TNFSF4: variants seen among roughly 807,000 people sequenced by gnomAD.
The protein encoded by TNFSF4 is tumor necrosis factor ligand superfamily member 4.
A neutral mutation model predicts 7.3 loss-of-function variants in TNFSF4; 4 were observed. The observed-to-expected ratio is 0.55, with a 90% confidence interval of 0.27 to 1.25. The LOEUF (loss-of-function observed/expected upper bound fraction) is 1.25, where lower values mean the gene tolerates loss of function less well. Among genes scored for constraint, TNFSF4 ranks in the 50% most tolerant of loss-of-function variants. The pLI is 0.12. For missense variants in TNFSF4, 181 were observed against 208.8 expected (o/e 0.87, Z 0.82); for synonymous variants, 76 against 83.7 (o/e 0.91, Z 0.50).
chr1:173,227,108 T>A, the TNFSF4 span, among the ~76,000 whole-genome samples: 5 of 101,190 alleles, frequency 4.9e-5, no homozygotes, highest in African/African-American at 1.2e-4. Flanking sequence ...TAGTCTATTC[T>A]TTTGTTTTTT....
the TNFSF4 span, among the ~76,000 whole-genome samples, chr1:173,375,745 C>T: frequency 6.6e-6 from 1 of 152,018 alleles, no homozygotes; most frequent in African/African-American, 2.4e-5. Flanking sequence ...TGCGAGGGGA[C>T]AAATAAGGGA....
the TNFSF4 span, among the ~76,000 whole-genome samples, chr1:173,404,601 G>A: frequency 2.0e-5 from 3 of 150,368 alleles, no homozygotes; most frequent in Non-Finnish European, 4.4e-5. Flanking sequence ...TTGCTCAAAT[G>A]TCACCTCTAC....
At chr1:173,317,102 C>T in the TNFSF4 span, among the ~76,000 whole-genome samples, 354 of 152,274 alleles carry the variant, frequency 2.3e-3, 2 homozygotes, top group African/African-American at 7.9e-3. Context: ...TCTCTGGGAG[C>T]TTTGAGCTGC....
intron 1 of TNFSF4, 123 bp from the exon 2 acceptor site, chr1:173,188,692 A>T: frequency 1.2e-6 from 1 of 811,512 alleles, no homozygotes; most frequent in Admixed American, 2.5e-5. Context: ...AAAACAACAG[A>T]AGACTTGACT....
At chr1:173,361,409 GCCAACATGGTGAAACC>G in the TNFSF4 span, among the ~76,000 whole-genome samples, 1 of 152,058 alleles carries the variant, frequency 6.6e-6, no homozygotes, top group Non-Finnish European at 1.5e-5. Flanking sequence ...GACCAGCCTG[GCCAACATGGTGAAACC>G]CCATCTCTAC....
chr1:173,176,509 T>C, the TNFSF4 span, among the ~76,000 whole-genome samples: 2 of 152,322 alleles, frequency 1.3e-5, no homozygotes, highest in South Asian at 4.1e-4. Context: ...AGAATGCTTA[T>C]ACGCTGCTGG....
chr1:173,396,427 C>T, the TNFSF4 span, among the ~76,000 whole-genome samples: 1 of 152,110 alleles, frequency 6.6e-6, no homozygotes, highest in Admixed American at 6.6e-5. Context: ...GGAGGATTAA[C>T]TGAGCCTAGG....
the TNFSF4 span, among the ~76,000 whole-genome samples, chr1:173,376,096 A>G: frequency 6.6e-6 from 1 of 152,168 alleles, no homozygotes. Context: ...CTGGCTATGC[A>G]AAAGAACCTT....
the TNFSF4 span, among the ~76,000 whole-genome samples, chr1:173,268,162 C>T: frequency 6.6e-6 from 1 of 152,092 alleles, no homozygotes; most frequent in African/African-American, 2.4e-5. Flanking sequence ...AGCTTACAAA[C>T]TCTCCAAACA....
the TNFSF4 span, among the ~76,000 whole-genome samples, chr1:173,259,046 AC>A: frequency 1.3e-5 from 2 of 151,946 alleles, no homozygotes; most frequent in African/African-American, 4.8e-5. Context: ...ACTGGGTGAG[AC>A]CCCCAGCCAA....
the TNFSF4 span, among the ~76,000 whole-genome samples, chr1:173,388,906 TA>T: frequency 5.3e-5 from 8 of 152,242 alleles, no homozygotes; most frequent in Middle Eastern, 6.8e-3. Flanking sequence ...GCCCAGAAAC[TA>T]AAAAGTTTCA....
At chr1:173,411,206 G>GAGCAGTC in the TNFSF4 span, among the ~76,000 whole-genome samples, 1 of 152,160 alleles carries the variant, frequency 6.6e-6, no homozygotes. Context: ...GCCTGAGGCA[G>GAGCAGTC]AGCAGTCATC....
chr1:173,313,161 C>T, the TNFSF4 span, among the ~76,000 whole-genome samples: 8,319 of 152,124 alleles, frequency 0.055, 334 homozygotes, highest in Non-Finnish European at 0.08. Context: ...AAAAGGGTCC[C>T]CCCTACATAA....
chr1:173,380,551 A>T, the TNFSF4 span, among the ~76,000 whole-genome samples: 1 of 152,132 alleles, frequency 6.6e-6, no homozygotes, highest in Admixed American at 6.6e-5. Context: ...TCCCTGCTTA[A>T]CAAACAGTCC....
At chr1:173,434,562 G>A in the TNFSF4 span, among the ~76,000 whole-genome samples, 1 of 152,208 alleles carries the variant, frequency 6.6e-6, no homozygotes, top group African/African-American at 2.4e-5. Context: ...ATGTGCTGGG[G>A]AATGTGTTAT....
intron 1 of TNFSF4, among the ~76,000 whole-genome samples, chr1:173,206,197 G>A (rs763678003): frequency 2.6e-5 from 4 of 152,066 alleles, no homozygotes; most frequent in Non-Finnish European, 5.9e-5. Flanking sequence ...CACGAAGAGA[G>A]TATAGATTTA....
In TNFSF4 at chr1:173,207,326, C is replaced by T. The variant is rs1423665405; in HGVS notation, c.-150G>A. On this transcript the variant is annotated 5_prime_UTR_variant, in exon 1 of 3. Coordinates refer to ENST00000281834, the MANE Select transcript of TNFSF4 (RefSeq NM_003326.5). ...AGGTCCCAGGGCCAGAGATAAAAGG[C>T]GATTGAAAGAGCAAAGCGGACTCTC... is the stretch of plus-strand genomic sequence containing the variant. The T allele has an allele frequency of 9.7e-6, 6 of 616,368 alleles. No individual in the cohort carries two copies. The highest frequency in any genetic ancestry group is 4.8e-4 in the Middle Eastern group (1 of 2,098). 38.2% of individuals were successfully genotyped at this position (616,368 alleles called of 1,614,324 possible).
chr1:173,369,013 G>C, the TNFSF4 span, among the ~76,000 whole-genome samples: 4 of 152,116 alleles, frequency 2.6e-5, no homozygotes, highest in Middle Eastern at 3.2e-3. Context: ...CCCCATCAGT[G>C]GGGGGACTAT....
chr1:173,222,892 C>T, the TNFSF4 span, among the ~76,000 whole-genome samples: 1 of 152,192 alleles, frequency 6.6e-6, no homozygotes, highest in Non-Finnish European at 1.5e-5. Context: ...TGCCTCTTTT[C>T]AGTAATATAG....
Sources: allele counts gnomAD v4.1 joint callset (sites outside exome capture counted in the v4.1 genomes callset), GRCh38; gene constraint gnomAD v4.1.1; transcripts MANE v1.5; gene names NCBI Gene and HGNC (gene_info 2026-07-23, HGNC 2026-07-21).